KCNG3: variants seen among roughly 807,000 people sequenced by gnomAD.
KCNG3 encodes voltage-gated potassium channel regulatory subunit KCNG3.
A neutral mutation model predicts 29.0 loss-of-function variants in KCNG3; 15 were observed. The ratio of observed to expected loss-of-function variants is 0.52; its 90% CI spans 0.35 to 0.80. The LOEUF is 0.80. KCNG3 is among the 30% of genes least tolerant of loss of function. The pLI is 0.01. For synonymous variants in KCNG3, 322 were observed against 248.9 expected, an observed-to-expected ratio of 1.29 and a Z score of -2.76; for missense variants, 512 against 605.7, an observed-to-expected ratio of 0.85 and a Z score of 1.62.
intron 1 of KCNG3, among the ~76,000 whole-genome samples, chr2:42,487,932 T>C (rs576106082): frequency 1.3e-5 from 2 of 152,328 alleles, no homozygotes; most frequent in East Asian, 1.9e-4. Flanking sequence ...TGGACTCACA[T>C]GGAATGATCT....
At chr2:42,455,767 T>A (rs1235540291) in intron 1 of KCNG3, among the ~76,000 whole-genome samples, 1 of 151,618 alleles carries the variant, frequency 6.6e-6, no homozygotes, top group African/African-American at 2.4e-5. Context: ...AAATCCTGTC[T>A]CTTAAAAAAA....
chr2:42,449,471 G>GA (rs35759764), intron 1 of KCNG3, among the ~76,000 whole-genome samples: 35,045 of 124,306 alleles, frequency 0.28, 5,124 homozygotes, highest in East Asian at 0.59. Flanking sequence ...TACTATCATT[G>GA]AAAAAAAAAA....
At position 42,493,509 on chromosome 2, in the gene KCNG3, C is replaced by A. The variant is rs1406271494; in HGVS notation, c.-8G>T. ...GCTGCGCCCGAAGGTCATGGCTGGC[C>A]GCCCGGGGGACTTTCGGCCCGAGGG... On this transcript the variant is annotated 5_prime_UTR_variant, in exon 1 of 2. Coordinates refer to ENST00000306078, the MANE Select transcript of KCNG3 (RefSeq NM_133329.6). 7.3e-7 allele frequency: 1 copy of A among 1,361,762 alleles called. No homozygotes were observed. Among genetic ancestry groups the A allele is most frequent in the South Asian group, 1.8e-5 (1 of 54,158 alleles). 84.4% of individuals were successfully genotyped at this position (1,361,762 alleles called of 1,614,324 possible).
the KCNG3 span, among the ~76,000 whole-genome samples, chr2:42,397,726 C>T: frequency 5.3e-5 from 8 of 152,262 alleles, 1 homozygote; most frequent in South Asian, 2.1e-4. Context: ...CTTCTTTCTA[C>T]TTGCTTATAT....
At chr2:42,460,293 G>T (rs1672984335) in intron 1 of KCNG3, among the ~76,000 whole-genome samples, 1 of 152,020 alleles carries the variant, frequency 6.6e-6, no homozygotes, top group African/African-American at 2.4e-5. Flanking sequence ...TGAGGCTGCA[G>T]TGAGTCATGA....
At chr2:42,463,890 C>T in intron 1 of KCNG3, 1 of 301,612 alleles carries the variant, frequency 3.3e-6, no homozygotes, top group South Asian at 2.9e-5. Flanking sequence ...CTAATCCCTT[C>T]TCAGATTTTG....
At chr2:42,457,574 C>T (rs1260137847) in intron 1 of KCNG3, among the ~76,000 whole-genome samples, 1 of 150,740 alleles carries the variant, frequency 6.6e-6, no homozygotes, top group Non-Finnish European at 1.5e-5. Context: ...TGGCCAGGCA[C>T]GGTGGCTCAT....
the KCNG3 span, among the ~76,000 whole-genome samples, chr2:42,429,881 G>A: frequency 1.3e-5 from 2 of 152,166 alleles, no homozygotes; most frequent in African/African-American, 4.8e-5. Context: ...GACCCTGAGA[G>A]GCAGGAGGAA....
At chr2:42,421,550 T>G in the KCNG3 span, among the ~76,000 whole-genome samples, 1 of 152,236 alleles carries the variant, frequency 6.6e-6, no homozygotes, top group Non-Finnish European at 1.5e-5. Flanking sequence ...GAGTTCTTAT[T>G]GTTCTGTTGG....
At chr2:42,490,938 C>A (rs1013832400) in intron 1 of KCNG3, among the ~76,000 whole-genome samples, 2 of 152,160 alleles carry the variant, frequency 1.3e-5, no homozygotes, top group South Asian at 4.1e-4. Flanking sequence ...CATCCTCATT[C>A]GGCCATCCTG....
intron 1 of KCNG3, among the ~76,000 whole-genome samples, chr2:42,460,049 T>C (rs1158948473): frequency 2.6e-5 from 4 of 152,070 alleles, no homozygotes. Context: ...CTGTGCTGTT[T>C]TTGCAACTTC....
the KCNG3 span, chr2:42,388,468 A>G: frequency 1.3e-5 from 2 of 152,376 alleles, no homozygotes; most frequent in South Asian, 2.1e-4. Context: ...TTGGGCTGCC[A>G]TAAAATACCA....
At chr2:42,433,790 C>T in the KCNG3 span, among the ~76,000 whole-genome samples, 1 of 151,996 alleles carries the variant, frequency 6.6e-6, no homozygotes, top group Non-Finnish European at 1.5e-5. Context: ...CCAGACGCAA[C>T]AAAAAAGACA....
intron 1 of KCNG3, among the ~76,000 whole-genome samples, chr2:42,483,056 G>C (rs549479709): frequency 1.3e-5 from 2 of 152,256 alleles, no homozygotes; most frequent in East Asian, 3.9e-4. Flanking sequence ...GGGAGGCAGA[G>C]GTTGCAGTGA....
chr2:42,443,670 T>C lies in KCNG3; in HGVS notation c.*264A>G, dbSNP rs905773841. On this transcript the variant is annotated 3_prime_UTR_variant, in exon 2 of 2. Transcript: ENST00000306078. ...TAATGTATTTTTTAAAAATGTGTAATCATTCAAGGAAACGGGAAAACAAGT... is the reference window on the plus strand; with the variant it reads ...TAATGTATTTTTTAAAAATGTGTAACCATTCAAGGAAACGGGAAAACAAGT... The C allele has an allele frequency of 8.8e-6, 3 of 340,596 alleles. No homozygotes were observed. Among genetic ancestry groups the C allele is most frequent in the African/African-American group, 6.3e-5 (3 of 47,458 alleles). The allele number at this position is 340,596 out of a possible 1,614,324, so 21.1% of individuals were successfully genotyped here.
At chr2:42,461,445 G>C (rs1053474988) in intron 1 of KCNG3, among the ~76,000 whole-genome samples, 2 of 152,072 alleles carry the variant, frequency 1.3e-5, no homozygotes, top group Non-Finnish European at 2.9e-5. Flanking sequence ...CTTCACCAGA[G>C]CCAGGGAGTG....
At position 42,442,974 on chromosome 2, in the gene KCNG3, G is replaced by A. The variant is rs1057252944; in HGVS notation, c.*960C>T. ...TTTTATGATAATCCAGTGACAACAC[G>A]TAAGTATGACTTTGCTACTAAAAGG... On this transcript the variant is annotated 3_prime_UTR_variant, in exon 2 of 2. Coordinates refer to ENST00000306078, the MANE Select transcript of KCNG3 (RefSeq NM_133329.6). 14 of 152,238 alleles carry A rather than the reference G, an allele frequency of 9.2e-5. No individual in the cohort carries two copies. Among genetic ancestry groups the A allele is most frequent in the East Asian group, 7.7e-4 (4 of 5,188 alleles). The allele number at this position is 152,238 out of a possible 1,614,324, so 9.4% of individuals were successfully genotyped here. A position where few individuals can be genotyped will look rare whatever the true frequency, so the allele number is the denominator to read the frequency against.
intron 1 of KCNG3, among the ~76,000 whole-genome samples, chr2:42,450,167 G>C (rs1222890097): frequency 6.6e-6 from 1 of 152,200 alleles, no homozygotes; most frequent in Non-Finnish European, 1.5e-5. Context: ...TTATGACTAA[G>C]AAGGAGGAAA....
the KCNG3 span, among the ~76,000 whole-genome samples, chr2:42,410,941 T>A: frequency 3.9e-5 from 6 of 152,208 alleles, 1 homozygote; most frequent in Non-Finnish European, 5.9e-5. Context: ...ACATTTATCT[T>A]TAACCTTTAA....
Sources: allele counts gnomAD v4.1 joint callset (sites outside exome capture counted in the v4.1 genomes callset), GRCh38; gene constraint gnomAD v4.1.1; transcripts MANE v1.5; gene names NCBI Gene and HGNC (gene_info 2026-07-23, HGNC 2026-07-21).